KSR1: variants seen among roughly 807,000 people sequenced by gnomAD.
KSR1 encodes the protein kinase suppressor of ras.
Under a neutral mutation model 92.9 loss-of-function variants are expected in KSR1, and 35 were observed. The ratio of observed to expected loss-of-function variants is 0.38; its 90% CI spans 0.29 to 0.50. The LOEUF is 0.50. Among genes scored for constraint, KSR1 ranks in the 20% least tolerant of loss-of-function variants. The pLI is 0.94. For synonymous variants in KSR1, 467 were observed against 472.6 expected, an observed-to-expected ratio of 0.99 and a Z score of 0.15; for missense variants, 972 against 1,158.5, an observed-to-expected ratio of 0.84 and a Z score of 2.34.
chr17:27,609,333 A>G lies in KSR1; in HGVS notation c.2225+4A>G. ...CAGGCGTGGTCCGAGAGGGACGGTG[A>G]GTTGGTCTTGAGTGTCTGGGTGGGT... On this transcript the variant is annotated splice_donor_region_variant and intron_variant, in intron 16 of 20. Coordinates refer to ENST00000644974, the MANE Select transcript of KSR1 (RefSeq NM_001394583.1). The G allele has an allele frequency of 6.2e-7, 1 of 1,613,768 alleles. No individual in the cohort carries two copies. Among genetic ancestry groups the G allele is most frequent in the Non-Finnish European group, 8.5e-7 (1 of 1,179,808 alleles).
rs1298483987 is a variant in KSR1 at position 27,559,134 on chromosome 17, C to T, written c.372+8426C>T. ...TTTCCAGGAAATAATGCCTTTTCTACTAGAGGAAGAGAGGGGATAGACATG... is the reference window on the plus strand; with the variant it reads ...TTTCCAGGAAATAATGCCTTTTCTATTAGAGGAAGAGAGGGGATAGACATG... On this transcript the variant is annotated intron_variant, in intron 2 of 20. Coordinates refer to ENST00000644974, the MANE Select transcript of KSR1 (RefSeq NM_001394583.1). The surrounding 1 kb of genome is among the most constrained non-coding windows in gnomAD (Gnocchi z 4.2). 6.6e-6 allele frequency among the ~76,000 whole-genome samples: 1 copy of T among 152,190 alleles called. No homozygotes were observed. The highest frequency in any genetic ancestry group is 2.4e-5 in the African/African-American group (1 of 41,430).
chr17:27,501,173 A>T (rs951135318), intron 1 of KSR1, among the ~76,000 whole-genome samples: 2 of 148,218 alleles, frequency 1.3e-5, no homozygotes, highest in Admixed American at 6.7e-5. Flanking sequence ...CAGCCCTGTG[A>T]TGCAGTATTT....
intron 1 of KSR1, among the ~76,000 whole-genome samples, chr17:27,511,692 A>C (rs1158719295): frequency 6.6e-6 from 1 of 152,128 alleles, no homozygotes; most frequent in Non-Finnish European, 1.5e-5. Flanking sequence ...TGGTCAGCTT[A>C]GGAAATGGAG....
At chr17:27,536,909 C>G (rs2098616297) in intron 1 of KSR1, among the ~76,000 whole-genome samples, 1 of 152,208 alleles carries the variant, frequency 6.6e-6, no homozygotes, top group Non-Finnish European at 1.5e-5. Flanking sequence ...AGGAAATAGA[C>G]CTCTAGATTG....
chr17:27,574,200 C>T, intron 2 of KSR1, among the ~76,000 whole-genome samples: 1 of 152,186 alleles, frequency 6.6e-6, no homozygotes, highest in Non-Finnish European at 1.5e-5. Context: ...CCAAGGTGCT[C>T]TTAACAGTCA....
chr17:27,586,278 T>C (rs1244836267), intron 5 of KSR1, among the ~76,000 whole-genome samples: 1 of 152,224 alleles, frequency 6.6e-6, no homozygotes, highest in Non-Finnish European at 1.5e-5. Context: ...GGGGCCTCTC[T>C]CATGAGTCAG....
At chr17:27,481,750 G>C (rs193030738) in intron 1 of KSR1, among the ~76,000 whole-genome samples, 31 of 152,294 alleles carry the variant, frequency 2.0e-4, no homozygotes, top group African/African-American at 7.2e-4. Flanking sequence ...TGGGATTTTA[G>C]TGTACCCATT....
chr17:27,499,536 T>C (rs1294078008), intron 1 of KSR1, among the ~76,000 whole-genome samples: 2 of 152,234 alleles, frequency 1.3e-5, no homozygotes, highest in African/African-American at 2.4e-5. Context: ...TTAAAGCAGT[T>C]GCTTTGTGAG....
At chr17:27,609,455 T>G in intron 16 of KSR1, 126 bp downstream of exon 16, 1 of 1,255,320 alleles carries the variant, frequency 8.0e-7, no homozygotes, top group Non-Finnish European at 1.1e-6. Context: ...CCCAGGTCGC[T>G]TTGGTCCTGC....
intron 5 of KSR1, chr17:27,588,045 A>C (rs2073032049): frequency 6.5e-6 from 1 of 153,020 alleles, no homozygotes; most frequent in African/African-American, 2.4e-5. Context: ...CCTCCACCTG[A>C]GGTAAACAGC....
chr17:27,466,747 T>G (rs923414604), intron 1 of KSR1, among the ~76,000 whole-genome samples: 3 of 152,250 alleles, frequency 2.0e-5, no homozygotes, highest in Non-Finnish European at 2.9e-5. Context: ...TCGTGGTGGC[T>G]TTTTGAAAGG....
chr17:27,499,330 T>G (rs2069097174), intron 1 of KSR1, among the ~76,000 whole-genome samples: 1 of 152,206 alleles, frequency 6.6e-6, no homozygotes, highest in African/African-American at 2.4e-5. Flanking sequence ...TCCTGGGCAC[T>G]TGGGAACCTG....
At chr17:27,592,320 C>G in intron 7 of KSR1, 41 bp from the exon 8 acceptor site, 1 of 1,562,026 alleles carries the variant, frequency 6.4e-7, no homozygotes, top group East Asian at 2.2e-5. Context: ...CTGAGCCCCC[C>G]CATGTGGTGC....
chr17:27,513,263 C>T (rs1167572217), intron 1 of KSR1, among the ~76,000 whole-genome samples: 3 of 152,062 alleles, frequency 2.0e-5, no homozygotes, highest in African/African-American at 2.4e-5. Context: ...TCCTGTTGAA[C>T]ATTTTGTTTG....
At chr17:27,516,520 CT>C (rs2069802031) in intron 1 of KSR1, among the ~76,000 whole-genome samples, 1 of 151,960 alleles carries the variant, frequency 6.6e-6, no homozygotes, top group African/African-American at 2.4e-5. Context: ...CTCCCTCCCC[CT>C]CCTCCTCCTC....
intron 1 of KSR1, among the ~76,000 whole-genome samples, chr17:27,524,651 A>G (rs1200851591): frequency 6.6e-6 from 1 of 152,240 alleles, no homozygotes; most frequent in African/African-American, 2.4e-5. Flanking sequence ...GGGGAAGAGC[A>G]AGGAATTAGA....
chr17:27,472,130 CA>C (rs1256084034), intron 1 of KSR1: 1 of 152,384 alleles, frequency 6.6e-6, no homozygotes, highest in Non-Finnish European at 1.5e-5. Context: ...AAGAGACAGC[CA>C]TGGGAAACCC....
rs373832506 is a variant in KSR1 at position 27,600,926 on chromosome 17, G to A, written c.1469-434G>A. ...TTTTCAGTCACCTATGAGAGAGAGA[G>A]AAAAAAATGTGGGTAGGGAGTGGTA... On this transcript the variant is annotated intron_variant, in intron 10 of 20. Coordinates refer to ENST00000644974, the MANE Select transcript of KSR1 (RefSeq NM_001394583.1). Among the ~76,000 whole-genome samples, 52 of 152,220 alleles carry A rather than the reference G, an allele frequency of 3.4e-4. No homozygotes were observed. The East Asian group carries it at 4.8e-3, about 14-fold the overall frequency.
chr17:27,524,798 T>C (rs535412161), intron 1 of KSR1, among the ~76,000 whole-genome samples: 1 of 152,160 alleles, frequency 6.6e-6, no homozygotes, highest in Non-Finnish European at 1.5e-5. Context: ...TACCCAGGAT[T>C]AGAAGGCTGC....
Sources: allele counts gnomAD v4.1 joint callset (sites outside exome capture counted in the v4.1 genomes callset), GRCh38; gene constraint gnomAD v4.1.1; non-coding constraint Gnocchi (gnomAD v3.1); transcripts MANE v1.5; gene names NCBI Gene and HGNC (gene_info 2026-07-23, HGNC 2026-07-21).